The following KHDC1 variants were observed in gnomAD, a reference collection of about 807,000 sequenced individuals.
KHDC1 encodes KH domain containing 1.
In KHDC1, 21 loss-of-function variants were observed where a neutral mutation model predicts 24.7. The ratio of observed to expected loss-of-function variants is 0.85; its 90% CI spans 0.60 to 1.23. KHDC1 has a LOEUF of 1.23. Ranked by LOEUF, KHDC1 falls within the 50% of genes most tolerant of loss-of-function variation. KHDC1 has a pLI of 0.00. For missense variants in KHDC1, 274 were observed against 298.5 expected (o/e 0.92, Z 0.61); for synonymous variants, 98 against 111.7 (o/e 0.88, Z 0.77).
At chr6:73,293,138 C>A in intron 1 of KHDC1, 1 of 788,450 alleles carries the variant, frequency 1.3e-6, no homozygotes, top group Non-Finnish European at 2.2e-6. Context: ...GTACTCTCAC[C>A]CTATCAGCAA....
At chr6:73,255,214 CTTT>C (rs765910035) in intron 2 of KHDC1, among the ~76,000 whole-genome samples, 1 of 121,266 alleles carries the variant, frequency 8.2e-6, no homozygotes. Context: ...AAAAAATAAA[CTTT>C]TTTTTTTTTT....
intron 2 of KHDC1, among the ~76,000 whole-genome samples, chr6:73,249,249 C>T (rs1766733061): frequency 1.3e-5 from 2 of 152,012 alleles, no homozygotes; most frequent in African/African-American, 4.8e-5. Context: ...CCATTGCACT[C>T]CAGCCGAGGC....
rs540319101 is a variant in KHDC1, at chr6:73,261,812, T to C, written c.207-19282A>G. ...CTGTAATCCCAGCTACTCGGGAGGC[T>C]GAGGCAGGAGAATCACTTGAACCCG... On this transcript the variant is annotated intron_variant, in intron 2 of 4. Transcript: ENST00000370384. 2.8e-3 allele frequency among the ~76,000 whole-genome samples: 422 copies of C among 151,096 alleles called. 2 individuals carry two copies. The highest frequency in any genetic ancestry group is 1.0e-2 in the African/African-American group (410 of 41,054).
chr6:73,277,575 G>A (rs923143642), intron 2 of KHDC1, among the ~76,000 whole-genome samples: 2 of 152,174 alleles, frequency 1.3e-5, no homozygotes, highest in Admixed American at 1.3e-4. Context: ...CTTGGGCCAA[G>A]CGCAATTGCT....
chr6:73,300,298 C>T (rs1356850081), intron 1 of KHDC1: 3 of 152,210 alleles, frequency 2.0e-5, no homozygotes, highest in Non-Finnish European at 4.4e-5. Flanking sequence ...TTCACTTTTC[C>T]TTCGTAGCTT....
chr6:73,290,723 G>T, intron 2 of KHDC1: 1 of 399,744 alleles, frequency 2.5e-6, no homozygotes, highest in South Asian at 2.0e-5. Flanking sequence ...TTCACTTCTG[G>T]AACCTTTGCT....
chr6:73,268,377 C>A, intron 2 of KHDC1: 1 of 153,464 alleles, frequency 6.5e-6, no homozygotes, highest in Non-Finnish European at 1.4e-5. Flanking sequence ...AGCAGTGTGG[C>A]CCCAAAGAGT....
intron 2 of KHDC1, among the ~76,000 whole-genome samples, chr6:73,266,163 T>C (rs1767076451): frequency 6.6e-6 from 1 of 152,134 alleles, no homozygotes; most frequent in South Asian, 2.1e-4. Flanking sequence ...TGGGGGAAAA[T>C]CCAAAGATTA....
At position 73,262,559 on chromosome 6, in the gene KHDC1, A is replaced by G. The variant is rs949714186; in HGVS notation, c.207-20029T>C. On this transcript the variant is annotated intron_variant, in intron 2 of 4. Transcript: ENST00000370384. ...CCATTTTGTTTTGAGATGTGTCAAC[A>G]AAACCCGTGTTTCTTTTCTTTCTAT... 2.0e-5 allele frequency among the ~76,000 whole-genome samples: 3 copies of G among 151,440 alleles called. No homozygotes were observed. In the East Asian group the frequency reaches 5.8e-4, roughly 29 times the overall value.
At chr6:73,247,167 G>A (rs146990300) in intron 2 of KHDC1, among the ~76,000 whole-genome samples, 3,414 of 151,698 alleles carry the variant, frequency 0.023, 57 homozygotes, top group East Asian at 0.063. Flanking sequence ...TAGTAGAGAC[G>A]GGGTTTCACC....
chr6:73,302,656 A>T lies in KHDC1; in HGVS notation c.163+6896T>A, dbSNP rs200180591. On this transcript the variant is annotated intron_variant, in intron 1 of 4. Transcript: ENST00000370384. ...TGCTGTCACCATTCTGATGGTTACG[A>T]CGCCACTGTTATAGGAATTTTTCAG... Among the ~76,000 whole-genome samples, 7 of 152,350 alleles carry T rather than the reference A, an allele frequency of 4.6e-5. No homozygotes were observed. The East Asian group carries it at 1.3e-3, about 29-fold the overall frequency.
chr6:73,259,713 A>G (rs2150564771), intron 2 of KHDC1, among the ~76,000 whole-genome samples: 1 of 152,274 alleles, frequency 6.6e-6, no homozygotes, highest in East Asian at 1.9e-4. Flanking sequence ...CTTTTAAACA[A>G]GCATGTTGTG....
At chr6:73,271,928 T>C (rs1767186838) in intron 2 of KHDC1, among the ~76,000 whole-genome samples, 1 of 151,702 alleles carries the variant, frequency 6.6e-6, no homozygotes, top group Non-Finnish European at 1.5e-5. Context: ...TTGATCAGTA[T>C]GTACTGACAG....
chr6:73,306,186 C>CCTTA (rs1328888904), intron 1 of KHDC1, among the ~76,000 whole-genome samples: 3 of 152,042 alleles, frequency 2.0e-5, no homozygotes, highest in Non-Finnish European at 2.9e-5. Context: ...CCTCCTGCTC[C>CCTTA]TACTTATACT....
intron 2 of KHDC1, among the ~76,000 whole-genome samples, chr6:73,261,351 G>C (rs567352370): frequency 6.6e-6 from 1 of 152,178 alleles, no homozygotes; most frequent in East Asian, 1.9e-4. Context: ...GCTGAGGCAC[G>C]AGAATGGCTT....
At chr6:73,304,443 G>A (rs1226278721) in intron 1 of KHDC1, among the ~76,000 whole-genome samples, 2 of 152,078 alleles carry the variant, frequency 1.3e-5, no homozygotes, top group East Asian at 3.8e-4. Context: ...GCCATGAATG[G>A]GAGAGGCTTT....
At chr6:73,267,051 AT>A (rs1767086416) in intron 2 of KHDC1, among the ~76,000 whole-genome samples, 1 of 152,220 alleles carries the variant, frequency 6.6e-6, no homozygotes, top group Admixed American at 6.5e-5. Flanking sequence ...AAGGACTTAA[AT>A]AGACATTTCT....
At chr6:73,289,737 A>G (rs7758047) in intron 2 of KHDC1, among the ~76,000 whole-genome samples, 35,649 of 151,994 alleles carry the variant, frequency 0.23, 4,887 homozygotes, top group African/African-American at 0.37. Flanking sequence ...TGAGTGGGGC[A>G]GACCACAAGG....
chr6:73,291,895 AC>A, intron 2 of KHDC1: 1 of 1,266,276 alleles, frequency 7.9e-7, no homozygotes, highest in South Asian at 1.3e-5. Flanking sequence ...ACAAGCCTGC[AC>A]ATGCACCTCC....
Sources: allele counts gnomAD v4.1 joint callset (sites outside exome capture counted in the v4.1 genomes callset), GRCh38; gene constraint gnomAD v4.1.1; transcripts MANE v1.5; gene names NCBI Gene and HGNC (gene_info 2026-07-23, HGNC 2026-07-21).